The following CSMD2 variants were observed in gnomAD, a reference collection of about 807,000 sequenced individuals.
CSMD2 encodes the protein CUB and sushi domain-containing protein 2.
Under a neutral mutation model 398.5 loss-of-function variants are expected in CSMD2, and 130 were observed. The observed-to-expected ratio is 0.33, with a 90% CI of 0.28 to 0.38. The LOEUF (loss-of-function observed/expected upper bound fraction) is 0.38. CSMD2 is among the 10% of genes least tolerant of loss of function. The pLI is 1.00. For synonymous variants in CSMD2, 1,828 were observed against 1,908.5 expected (o/e 0.96, Z 1.10); for missense variants, 3,829 against 4,764.9 (o/e 0.80, Z 5.78).
intron 5 of CSMD2, chr1:33,884,774 C>G (rs1438355893): frequency 6.6e-6 from 1 of 152,274 alleles, no homozygotes; most frequent in African/African-American, 2.4e-5. Context: ...CTCCATCTAT[C>G]TCTCCAGGCT....
intron 53 of CSMD2, among the ~76,000 whole-genome samples, chr1:33,561,036 G>T (rs1375736910): frequency 6.6e-6 from 1 of 152,184 alleles, no homozygotes; most frequent in Non-Finnish European, 1.5e-5. Flanking sequence ...GTTTTAATTT[G>T]TGGGAAGATT....
At chr1:33,540,788 C>T in intron 59 of CSMD2, 90 bp from the exon 60 acceptor site, 2 of 1,443,078 alleles carry the variant, frequency 1.4e-6, no homozygotes, top group Non-Finnish European at 1.9e-6. Context: ...CTACCCTGCA[C>T]CCACCTAGAG....
At chr1:33,713,466 C>G (rs1646057899) in intron 21 of CSMD2, among the ~76,000 whole-genome samples, 1 of 152,186 alleles carries the variant, frequency 6.6e-6, no homozygotes, top group Admixed American at 6.5e-5. Flanking sequence ...ATGAATGCAG[C>G]TAGTGTTTTA....
At chr1:33,581,904 G>C (rs1314737969) in intron 47 of CSMD2, among the ~76,000 whole-genome samples, 1 of 152,142 alleles carries the variant, frequency 6.6e-6, no homozygotes, top group Non-Finnish European at 1.5e-5. Context: ...AAACAAAGTA[G>C]AGTCACCAGA....
At chr1:34,027,863 CAGACAGCCCTACAT>C (rs1237236022) in intron 3 of CSMD2, among the ~76,000 whole-genome samples, 2 of 151,626 alleles carry the variant, frequency 1.3e-5, no homozygotes, top group East Asian at 1.9e-4. Flanking sequence ...CCTACATGGG[CAGACAGCCCTACAT>C]GGGCAGAGCA....
chr1:33,696,406 C>A (rs1221937266), intron 24 of CSMD2, among the ~76,000 whole-genome samples: 1 of 152,126 alleles, frequency 6.6e-6, no homozygotes, highest in Non-Finnish European at 1.5e-5. Context: ...TCTACAAGAC[C>A]CTCTGCTCAA....
At chr1:33,564,422 C>T (rs1658861512) in intron 53 of CSMD2, among the ~76,000 whole-genome samples, 1 of 152,186 alleles carries the variant, frequency 6.6e-6, no homozygotes. Flanking sequence ...TCCACCCAGA[C>T]CCCGACAGTC....
At chr1:33,962,263 G>A (rs1283330205) in intron 3 of CSMD2, among the ~76,000 whole-genome samples, 1 of 152,136 alleles carries the variant, frequency 6.6e-6, no homozygotes, top group Non-Finnish European at 1.5e-5. Context: ...ATGTCTGCCT[G>A]AAAGCGGTCC....
intron 4 of CSMD2, among the ~76,000 whole-genome samples, chr1:33,933,755 G>A (rs1293344857): frequency 6.6e-6 from 1 of 152,146 alleles, no homozygotes; most frequent in East Asian, 1.9e-4. Context: ...CATGGAAAGA[G>A]GCAGTTCCTG....
chr1:33,831,307 G>A, intron 6 of CSMD2, among the ~76,000 whole-genome samples: 1 of 152,192 alleles, frequency 6.6e-6, no homozygotes. Context: ...ACTAACAGCG[G>A]ATTTCTCGGC....
chr1:33,623,918 C>T (rs1641930423), intron 35 of CSMD2, among the ~76,000 whole-genome samples: 1 of 152,202 alleles, frequency 6.6e-6, no homozygotes, highest in African/African-American at 2.4e-5. Context: ...GCTCCTGACC[C>T]TCTTCCCTGC....
At chr1:34,094,428 T>C (rs1659027382) in intron 1 of CSMD2, among the ~76,000 whole-genome samples, 2 of 151,650 alleles carry the variant, frequency 1.3e-5, no homozygotes, top group Admixed American at 6.6e-5. Context: ...TAAATGTAAA[T>C]GGACTAAATG....
intron 3 of CSMD2, among the ~76,000 whole-genome samples, chr1:33,991,195 C>T (rs1181263642): frequency 6.6e-6 from 1 of 152,040 alleles, no homozygotes; most frequent in Non-Finnish European, 1.5e-5. Flanking sequence ...TTTGTAGAGA[C>T]AGGGTCTTGC....
At chr1:34,045,854 G>C (rs3125615) in intron 2 of CSMD2, among the ~76,000 whole-genome samples, 1 of 152,114 alleles carries the variant, frequency 6.6e-6, no homozygotes, top group Non-Finnish European at 1.5e-5. Flanking sequence ...CTACCCCAAC[G>C]GTTCCCAAAT....
chr1:34,125,766 T>C (rs1411835880), intron 1 of CSMD2, among the ~76,000 whole-genome samples: 1 of 152,116 alleles, frequency 6.6e-6, no homozygotes, highest in Non-Finnish European at 1.5e-5. Flanking sequence ...GCTCCACAGA[T>C]CCACACAGAG....
At chr1:33,949,511 T>C (rs1013323307) in intron 3 of CSMD2, among the ~76,000 whole-genome samples, 3 of 152,332 alleles carry the variant, frequency 2.0e-5, no homozygotes, top group South Asian at 2.1e-4. Flanking sequence ...TGAATAGTCC[T>C]ACCCAGCTGC....
chr1:33,994,726 T>C (rs892342541), intron 3 of CSMD2, among the ~76,000 whole-genome samples: 1 of 152,136 alleles, frequency 6.6e-6, no homozygotes, highest in East Asian at 1.9e-4. Context: ...GGCCCAGGAA[T>C]CTAATCTCAT....
intron 28 of CSMD2, among the ~76,000 whole-genome samples, chr1:33,647,859 C>T (rs201178481): frequency 1.3e-5 from 2 of 152,190 alleles, no homozygotes; most frequent in East Asian, 1.9e-4. Context: ...CCTGCCAAGG[C>T]GGACCTCCAC....
In CSMD2 at chr1:34,143,118, C is replaced by T. The variant is rs1184688563; in HGVS notation, c.187+21793G>A. Among the ~76,000 whole-genome samples the T allele has an allele frequency of 1.2e-4, 18 of 152,078 alleles. 1 individual carries two copies. The highest frequency in any genetic ancestry group is 1.1e-3 in the Admixed American group (17 of 15,272). On this transcript the variant is annotated intron_variant, in intron 1 of 70. Coordinates refer to ENST00000373381, the MANE Select transcript of CSMD2 (RefSeq NM_001281956.2). ...CTATAAAATGAGAATCATTATACTA[C>T]CTACCTTCAGTGGGGTCTGGAGCCC... is the stretch of plus-strand genomic sequence containing the variant.
Sources: allele counts gnomAD v4.1 joint callset (sites outside exome capture counted in the v4.1 genomes callset), GRCh38; gene constraint gnomAD v4.1.1; transcripts MANE v1.5; gene names NCBI Gene and HGNC (gene_info 2026-07-23, HGNC 2026-07-21).